The following GRIN2B variants were observed in gnomAD, a reference collection of about 807,000 sequenced individuals.
GRIN2B encodes glutamate ionotropic receptor NMDA type subunit 2B.
GRIN2B carries 5 observed loss-of-function variants against 114.5 expected under a neutral mutation model. The ratio of observed to expected loss-of-function variants is 0.04; its 90% CI spans 0.02 to 0.09. The LOEUF is 0.09. Among genes scored for constraint, GRIN2B ranks in the 10% least tolerant of loss-of-function variants. The probability of loss-of-function intolerance (pLI) is 1.00; values close to 1 mark genes in which losing one functional copy is unlikely to be tolerated. For missense variants in GRIN2B, 1,108 were observed against 1,943.5 expected, an observed-to-expected ratio of 0.57 and a Z score of 8.08; for synonymous variants, 787 against 745.1, an observed-to-expected ratio of 1.06 and a Z score of -0.92.
At chr12:13,618,088 G>A (rs1335346384) in intron 5 of GRIN2B, among the ~76,000 whole-genome samples, 1 of 152,216 alleles carries the variant, frequency 6.6e-6, no homozygotes, top group Non-Finnish European at 1.5e-5. Context: ...TCCTTCATGT[G>A]TATAGGCTTC....
chr12:13,793,136 G>A (rs146599464), intron 3 of GRIN2B, among the ~76,000 whole-genome samples: 2,478 of 152,130 alleles, frequency 0.016, 41 homozygotes, highest in Middle Eastern at 0.071. Flanking sequence ...GGCAGGCACA[G>A]TGGCTCACGC....
intron 5 of GRIN2B, among the ~76,000 whole-genome samples, chr12:13,623,698 C>T (rs1402309988): frequency 6.6e-6 from 1 of 152,100 alleles, no homozygotes; most frequent in Non-Finnish European, 1.5e-5. Flanking sequence ...CCCTTCATCT[C>T]TCAGGTATGC....
chr12:13,781,520 C>T (rs1864113424), intron 3 of GRIN2B, among the ~76,000 whole-genome samples: 1 of 152,152 alleles, frequency 6.6e-6, no homozygotes, highest in Admixed American at 6.5e-5. Context: ...GTAGCTTGAT[C>T]AAGTTTCCAG....
At position 13,592,758 on chromosome 12, in the gene GRIN2B, T is replaced by C. The variant is rs980099032; in HGVS notation, c.2010+15845A>G. On this transcript the variant is annotated intron_variant, in intron 10 of 13. Transcript: ENST00000609686. ...CATCCAAGCCTGACACCCCCTATTT[T>C]CACATCCACAAAATCAAAAGCCCTG... 4.6e-5 allele frequency among the ~76,000 whole-genome samples: 7 copies of C among 152,284 alleles called. No individual in the cohort carries two copies. The East Asian group carries it at 1.3e-3, about 29-fold the overall frequency.
chr12:13,647,056 G>A (rs1177173738), intron 5 of GRIN2B, among the ~76,000 whole-genome samples: 4 of 152,016 alleles, frequency 2.6e-5, no homozygotes, highest in Non-Finnish European at 1.5e-5. Context: ...CTTAGAAGTA[G>A]CATCTTCCTC....
At position 13,757,048 on chromosome 12, in the gene GRIN2B, C is replaced by T. The variant is rs1417634538; in HGVS notation, c.412-3133G>A. Among the ~76,000 whole-genome samples, 3 of 152,196 alleles carry T rather than the reference C, an allele frequency of 2.0e-5. No individual in the cohort carries two copies. The East Asian group carries it at 5.8e-4, about 29-fold the overall frequency. On this transcript the variant is annotated intron_variant, in intron 3 of 13. Coordinates refer to ENST00000609686, the MANE Select transcript of GRIN2B (RefSeq NM_000834.5). ...ATCCTTACCGTACCTTCTAGTTCTACTGTCCTCCACAATCTGATCCTTTTC... is the reference window on the plus strand; with the variant it reads ...ATCCTTACCGTACCTTCTAGTTCTATTGTCCTCCACAATCTGATCCTTTTC...
chr12:13,930,354 T>A (rs1405349606), intron 2 of GRIN2B, among the ~76,000 whole-genome samples: 1 of 152,168 alleles, frequency 6.6e-6, no homozygotes. Flanking sequence ...TCCTATGAGA[T>A]CTTTGAGACT....
chr12:13,645,268 A>G (rs1949751406), intron 5 of GRIN2B, among the ~76,000 whole-genome samples: 1 of 152,114 alleles, frequency 6.6e-6, no homozygotes, highest in Non-Finnish European at 1.5e-5. Context: ...AGGAGATCCA[A>G]GGAGAGGAAG....
chr12:13,604,080 A>T (rs765025245), intron 10 of GRIN2B, among the ~76,000 whole-genome samples: 1 of 152,112 alleles, frequency 6.6e-6, no homozygotes, highest in Non-Finnish European at 1.5e-5. Flanking sequence ...TGAGAAATCC[A>T]TCTGGATGGG....
intron 4 of GRIN2B, among the ~76,000 whole-genome samples, chr12:13,736,882 G>A (rs569572168): frequency 1.8e-4 from 28 of 151,902 alleles, no homozygotes; most frequent in Non-Finnish European, 3.4e-4. Flanking sequence ...TTAGCCGGGC[G>A]TGGTGGTGCG....
intron 2 of GRIN2B, among the ~76,000 whole-genome samples, chr12:13,941,067 T>TCACACACACACACA (rs57165618): frequency 6.6e-6 from 1 of 150,748 alleles, no homozygotes; most frequent in Admixed American, 6.6e-5. Flanking sequence ...ACACATATGT[T>TCACACACACACACA]CACACACACA....
chr12:13,812,627 T>G (rs968895177), intron 3 of GRIN2B, among the ~76,000 whole-genome samples: 1 of 152,142 alleles, frequency 6.6e-6, no homozygotes, highest in East Asian at 1.9e-4. Flanking sequence ...AAGAATTCTG[T>G]TTTTTTAATC....
chr12:13,966,406 A>C (rs562125726), intron 2 of GRIN2B, among the ~76,000 whole-genome samples: 91 of 152,140 alleles, frequency 6.0e-4, no homozygotes, highest in African/African-American at 2.1e-3. Context: ...ACAGTTTTTC[A>C]TGTGTGATCA....
At chr12:13,908,963 G>A (rs1176833932) in intron 2 of GRIN2B, among the ~76,000 whole-genome samples, 2 of 152,212 alleles carry the variant, frequency 1.3e-5, no homozygotes, top group African/African-American at 4.8e-5. Flanking sequence ...TTGGTAAAGA[G>A]TGGAGTGACC....
intron 3 of GRIN2B, among the ~76,000 whole-genome samples, chr12:13,760,276 C>T (rs1863655072): frequency 6.6e-6 from 1 of 152,142 alleles, no homozygotes; most frequent in South Asian, 2.1e-4. Context: ...TTGCTATAAC[C>T]CACAATTATG....
Position 13,851,466 on chromosome 12 carries a change from C to A in GRIN2B, c.411+14332G>T, listed in dbSNP as rs550271942. Among the ~76,000 whole-genome samples the A allele has an allele frequency of 2.0e-5, 3 of 152,288 alleles. No homozygotes were observed. In the East Asian group the frequency reaches 5.8e-4, roughly 29 times the overall value. On this transcript the variant is annotated intron_variant, in intron 3 of 13. Transcript: ENST00000609686. ...CCTGTCACAGACTTTATAACCTAAACAACATGACATGTTCTACTCACCAGT... is the reference window on the plus strand; with the variant it reads ...CCTGTCACAGACTTTATAACCTAAAAAACATGACATGTTCTACTCACCAGT...
intron 2 of GRIN2B, among the ~76,000 whole-genome samples, chr12:13,945,464 A>T (rs1003863702): frequency 6.6e-6 from 1 of 152,124 alleles, no homozygotes. Context: ...ATTATTTAGG[A>T]GCTACCTACC....
intron 3 of GRIN2B, among the ~76,000 whole-genome samples, chr12:13,848,290 G>A (rs1865501826): frequency 6.6e-6 from 1 of 152,142 alleles, no homozygotes; most frequent in African/African-American, 2.4e-5. Flanking sequence ...AGTTGCTCTT[G>A]TCTATTTGGA....
At chr12:13,963,234 T>C (rs546984041) in intron 2 of GRIN2B, among the ~76,000 whole-genome samples, 25 of 152,306 alleles carry the variant, frequency 1.6e-4, no homozygotes, top group Non-Finnish European at 2.8e-4. Flanking sequence ...GATCGCCCCC[T>C]TGGACACACC....
Sources: allele counts gnomAD v4.1 joint callset (sites outside exome capture counted in the v4.1 genomes callset), GRCh38; gene constraint gnomAD v4.1.1; transcripts MANE v1.5; gene names NCBI Gene and HGNC (gene_info 2026-07-23, HGNC 2026-07-21).